CPXCR1: variants seen among roughly 807,000 people sequenced by gnomAD.
CPXCR1 encodes CPX chromosome region candidate 1, also known as CPX chromosomal region candidate gene 1 protein.
CPXCR1 carries 15 observed loss-of-function variants against 13.8 expected under a neutral mutation model. The ratio of observed to expected loss-of-function variants is 1.09; its 90% CI spans 0.73 to 1.67. CPXCR1 has a LOEUF of 1.67. CPXCR1 is among the 40% of genes most tolerant of loss of function. The probability of loss-of-function intolerance (pLI) is 0.00; values close to 1 mark genes in which losing one functional copy is unlikely to be tolerated. For synonymous variants in CPXCR1, 70 were observed against 76.7 expected (o/e 0.91, Z 0.46); for missense variants, 247 against 223.6 (o/e 1.10, Z -0.67).
At position 88,753,554 on chromosome X, in the gene CPXCR1, AC is replaced by A; in HGVS notation, c.143del (p.Pro48GlnfsTer2). 1 of 1,209,541 alleles carries A rather than the reference AC, an allele frequency of 8.3e-7. No homozygotes were observed. ...AATATGATCTATCAGGTAGAAACCA[AC>A]CCAATAAACAGGGAGCCAGGCACAG... The part of the protein sequence containing the change: ...DPNMIYQVET[N>X]PINREPGTAT... On this transcript the variant is annotated frameshift_variant, in exon 3 of 3. Transcript: ENST00000276127. LOFTEE classifies it high-confidence loss of function.
At chrX:88,749,659 G>T (rs1924865353) in intron 2 of CPXCR1, among the ~76,000 whole-genome samples, 1 of 110,462 alleles carries the variant, frequency 9.1e-6, no homozygotes, top group African/African-American at 3.3e-5. Flanking sequence ...CTAGAGAATG[G>T]AGATTGAGAA....
At chrX:88,751,370 T>C (rs1452007169) in intron 2 of CPXCR1, among the ~76,000 whole-genome samples, 5 of 112,034 alleles carry the variant, frequency 4.5e-5, no homozygotes, top group Non-Finnish European at 9.4e-5. Flanking sequence ...TTCCATGTAG[T>C]TGTGCAGTTT....
At chrX:88,750,118 G>C (rs1378042226) in intron 2 of CPXCR1, among the ~76,000 whole-genome samples, 1 of 111,176 alleles carries the variant, frequency 9.0e-6, no homozygotes, top group Non-Finnish European at 1.9e-5. Context: ...TTTTGAATGG[G>C]AGTGGTGAGA....
Position 88,754,183 on chromosome X carries a change from T to A in CPXCR1, c.769T>A (p.Leu257Met). 1.7e-6 allele frequency: 2 copies of A among 1,188,832 alleles called. No individual in the cohort carries two copies. The highest frequency in any genetic ancestry group is 2.3e-6 in the Non-Finnish European group (2 of 876,121). ...IFNIKGFVDILTYIHTMNVMI... is the reference protein window; with the variant it reads ...IFNIKGFVDIMTYIHTMNVMI... ...TAATATAAAAGGTTTTGTGGATATA[T>A]TGACATATATCCATACCATGAATGT... Residue 257 changes from leucine to methionine, a missense_variant, in exon 3 of 3, where the codon TTG (leucine) becomes ATG (methionine). Coordinates refer to ENST00000276127, the MANE Select transcript of CPXCR1 (RefSeq NM_033048.6).
rs1432274465 is a variant in CPXCR1 at position 88,754,777 on chromosome X, A to G, written c.*457A>G. 2 of 124,209 alleles carry G rather than the reference A, an allele frequency of 1.6e-5. No individual in the cohort carries two copies. Among genetic ancestry groups the G allele is most frequent in the East Asian group, 5.6e-4 (2 of 3,601 alleles). The allele number at this position is 124,209 out of a possible 1,213,427, so 10.2% of individuals were successfully genotyped here. A position where few individuals can be genotyped will look rare whatever the true frequency, so the allele number is the denominator to read the frequency against. On this transcript the variant is annotated 3_prime_UTR_variant, in exon 3 of 3. Coordinates refer to ENST00000276127, the MANE Select transcript of CPXCR1 (RefSeq NM_033048.6). Reference sequence around the variant, plus strand: ...ATATTCAATAAAAACCAATTTGAAGACATAGAAAGTTGTATTGTATATTTG... The same window carrying G: ...ATATTCAATAAAAACCAATTTGAAGGCATAGAAAGTTGTATTGTATATTTG...
At chrX:88,752,222 A>T (rs907367179) in intron 2 of CPXCR1, among the ~76,000 whole-genome samples, 10 of 111,499 alleles carry the variant, frequency 9.0e-5, no homozygotes, top group Non-Finnish European at 1.7e-4. Flanking sequence ...CGGGTAAAAG[A>T]CATAAGGAAA....
At chrX:88,749,022 G>T (rs1238754808) in intron 1 of CPXCR1, among the ~76,000 whole-genome samples, 1 of 105,434 alleles carries the variant, frequency 9.5e-6, no homozygotes, top group Admixed American at 1.0e-4. Context: ...TTGGTGTGCT[G>T]CACCCATTAA....
At position 88,753,947 on chromosome X, in the gene CPXCR1, T is replaced by C. The variant is rs1441626794; in HGVS notation, c.533T>C (p.Ile178Thr). 1 of 1,210,434 alleles carries C rather than the reference T, an allele frequency of 8.3e-7. No individual in the cohort carries two copies. The highest frequency in any genetic ancestry group is 1.8e-5 in the South Asian group (1 of 56,924). The stretch of plus-strand genomic sequence containing the variant: ...ACCATGTGGGTAAAGCGAAAATATA[T>C]AGCATGTCTTTACCATCCAAATAGT... The part of the protein sequence containing the change: ...QNTMWVKRKY[I>T]ACLYHPNSFT... Residue 178 changes from isoleucine (I) to threonine (T), a missense_variant, in exon 3 of 3, where the codon ATA (isoleucine) becomes ACA (threonine). Coordinates refer to ENST00000276127, the MANE Select transcript of CPXCR1 (RefSeq NM_033048.6).
chrX:88,753,911 G>C lies in CPXCR1; in HGVS notation c.497G>C (p.Gly166Ala). The change falls in exon 3 of 3, where the codon GGG becomes GCG. Residue 166 changes from glycine to alanine, a missense_variant. By Grantham distance (60) the Gly-to-Ala change is moderately conservative. Transcript: ENST00000276127. The stretch of plus-strand genomic sequence containing the variant: ...GATAGATATTTCTCTCAGGCTGCAG[G>C]GTGTCAGAATACCATGTGGGTAAAG... The part of the protein sequence containing the change: ...LCDRYFSQAA[G>A]CQNTMWVKRK... 8.3e-7 allele frequency: 1 copy of C among 1,210,433 alleles called. No homozygotes were observed. Among genetic ancestry groups the C allele is most frequent in the East Asian group, 3.0e-5 (1 of 33,810 alleles).
intron 2 of CPXCR1, among the ~76,000 whole-genome samples, chrX:88,749,705 C>A (rs916936023): frequency 9.2e-6 from 1 of 108,385 alleles, no homozygotes; most frequent in Non-Finnish European, 1.9e-5. Flanking sequence ...TTACAATGCA[C>A]GTACAAAAAA....
rs774735772 is a variant in CPXCR1 at position 88,754,247 on chromosome X, G to A, written c.833G>A (p.Cys278Tyr). The A allele has an allele frequency of 8.5e-7, 1 of 1,181,918 alleles. No homozygotes were observed. Among genetic ancestry groups the A allele is most frequent in the Admixed American group, 2.3e-5 (1 of 44,348 alleles). Residue 278 changes from cysteine to tyrosine, a missense_variant, in exon 3 of 3, where the codon TGT becomes TAT. Physicochemically the swap from Cys to Tyr is radical, Grantham distance 194. Transcript: ENST00000276127. ...ACCAATAATGGTTGGAAATACTTTT[G>A]TCCCATCTGTGGAAGGCTTTTTAAC... The part of the protein sequence containing the change: ...TNTNNGWKYF[C>Y]PICGRLFNTY...
rs1569255296 is a variant in CPXCR1 at position 88,753,462 on chromosome X, C to CA, written c.53dup (p.Asn18LysfsTer3). ...GAAGTGATACAGCTGGAAATGCTCA[C>CA]AAAAATTCTGAAAATGAGCCTCCTA... is the stretch of plus-strand genomic sequence containing the variant. On this transcript the variant is annotated frameshift_variant, in exon 3 of 3. Coordinates refer to ENST00000276127, the MANE Select transcript of CPXCR1 (RefSeq NM_033048.6). LOFTEE classifies it high-confidence loss of function. 1.2e-5 allele frequency: 14 copies of CA among 1,162,998 alleles called. No individual in the cohort carries two copies. The highest frequency in any genetic ancestry group is 1.6e-5 in the Non-Finnish European group (14 of 871,902).
chrX:88,751,455 T>C lies in CPXCR1; in HGVS notation c.-8-1952T>C, dbSNP rs770920926. On this transcript the variant is annotated intron_variant, in intron 2 of 2. Coordinates refer to ENST00000276127, the MANE Select transcript of CPXCR1 (RefSeq NM_033048.6). Reference sequence around the variant, plus strand: ...GACTGTTTATTATGATTTCCTTTCTTTTGCATTTGCTGAGGAGTGTTTTAC... The same window carrying C: ...GACTGTTTATTATGATTTCCTTTCTCTTGCATTTGCTGAGGAGTGTTTTAC... Among the ~76,000 whole-genome samples the C allele has an allele frequency of 2.7e-5, 3 of 111,911 alleles. No homozygotes were observed. In the South Asian group the frequency reaches 1.1e-3, roughly 41 times the overall value.
rs1012008405 is a variant in CPXCR1, at chrX:88,753,748, T to G, written c.334T>G (p.Ser112Ala). 5.8e-6 allele frequency: 7 copies of G among 1,207,767 alleles called. No individual in the cohort carries two copies. The highest frequency in any genetic ancestry group is 7.8e-6 in the Non-Finnish European group (7 of 893,876). ...CAAGCCCTTAAATGATAGATCAAGA[T>G]CCCACTCAGGGAAAGTTGAGATGAA... The part of the protein sequence containing the change: ...SHKPLNDRSR[S>A]HSGKVEMKAN... Residue 112 changes from serine to alanine, a missense_variant, in exon 3 of 3, where the codon TCC becomes GCC. Physicochemically the swap from Ser to Ala is moderately conservative, Grantham distance 99. Transcript: ENST00000276127.
chrX:88,754,399 T>C lies in CPXCR1; in HGVS notation c.*79T>C. On this transcript the variant is annotated 3_prime_UTR_variant, in exon 3 of 3. Transcript: ENST00000276127. ...ACTACTAAAGTAAGACAAAATTGCA[T>C]GAACATAAATTTTAGTATTATTAGA... 1 of 657,461 alleles carries C rather than the reference T, an allele frequency of 1.5e-6. No individual in the cohort carries two copies. The allele number at this position is 657,461 out of a possible 1,213,427, so 54.2% of individuals were successfully genotyped here. A position where few individuals can be genotyped will look rare whatever the true frequency, so the allele number is the denominator to read the frequency against.
chrX:88,753,723 C>T lies in CPXCR1; in HGVS notation c.309C>T (p.His103=). ...QTPIPRKLVS[H]KPLNDRSRSH... ...CCATTCCCAGAAAATTGGTCTCTCA[C>T]AAGCCCTTAAATGATAGATCAAGAT... Residue 103 remains histidine, a synonymous_variant, in exon 3 of 3, where the codon CAC becomes CAT. Coordinates refer to ENST00000276127, the MANE Select transcript of CPXCR1 (RefSeq NM_033048.6). The T allele has an allele frequency of 8.3e-7, 1 of 1,209,590 alleles. No homozygotes were observed. The highest frequency in any genetic ancestry group is 1.1e-6 in the Non-Finnish European group (1 of 893,825).
Position 88,754,202 on chromosome X carries a change from T to C in CPXCR1, c.788T>C (p.Met263Thr), listed in dbSNP as rs145716270. The change falls in exon 3 of 3, where the codon ATG becomes ACG. Residue 263 changes from methionine to threonine, a missense_variant. Coordinates refer to ENST00000276127, the MANE Select transcript of CPXCR1 (RefSeq NM_033048.6). Reference sequence around the variant, plus strand: ...GATATATTGACATATATCCATACCATGAATGTTATGATCACAAACACCAAT... The same window carrying C: ...GATATATTGACATATATCCATACCACGAATGTTATGATCACAAACACCAAT... ...FVDILTYIHT[M>T]NVMITNTNNG... 5.8e-4 allele frequency: 692 copies of C among 1,187,048 alleles called. 2 individuals are homozygous for C. Among genetic ancestry groups the C allele is most frequent in the Non-Finnish European group, 7.5e-4 (658 of 875,866 alleles).
chrX:88,753,960 C>G lies in CPXCR1; in HGVS notation c.546C>G (p.Tyr182Ter), dbSNP rs941428136. Residue 182 changes from tyrosine to a stop codon, truncating the protein, a stop_gained, in exon 3 of 3, where the codon TAC becomes TAG. Transcript: ENST00000276127. LOFTEE classifies it high-confidence loss of function. ...WVKRKYIACL[Y>*]HPNSFTHHER... Reference sequence around the variant, plus strand: ...AGCGAAAATATATAGCATGTCTTTACCATCCAAATAGTTTCACCCATCACG... The same window carrying G: ...AGCGAAAATATATAGCATGTCTTTAGCATCCAAATAGTTTCACCCATCACG... 1 of 1,209,610 alleles carries G rather than the reference C, an allele frequency of 8.3e-7. No homozygotes were observed. Among genetic ancestry groups the G allele is most frequent in the Non-Finnish European group, 1.1e-6 (1 of 894,146 alleles).
At chrX:88,747,645 G>A (rs903130141) in intron 1 of CPXCR1, among the ~76,000 whole-genome samples, 1 of 111,662 alleles carries the variant, frequency 9.0e-6, no homozygotes, top group Non-Finnish European at 1.9e-5. Context: ...CTCAATTGAA[G>A]AAATTAGGAT....
Sources: allele counts gnomAD v4.1 joint callset (sites outside exome capture counted in the v4.1 genomes callset), GRCh38; gene constraint gnomAD v4.1.1; transcripts MANE v1.5; gene names NCBI Gene and HGNC (gene_info 2026-07-23, HGNC 2026-07-21).